The following SPATA24 variants were observed in gnomAD, a reference collection of about 807,000 sequenced individuals.
The protein encoded by SPATA24 is spermatogenesis-associated protein 24.
SPATA24 carries 21 observed loss-of-function variants against 28.9 expected under a neutral mutation model. That is an observed-to-expected ratio of 0.73 (90% CI 0.52 to 1.05). The LOEUF is 1.05. Ranked by LOEUF, SPATA24 falls within the 50% of genes least tolerant of loss-of-function variation. The pLI is 0.00. For synonymous variants in SPATA24, 76 were observed against 89.9 expected, an observed-to-expected ratio of 0.85 and a Z score of 0.88; for missense variants, 215 against 242.9, an observed-to-expected ratio of 0.88 and a Z score of 0.76.
chr5:139,393,875 C>T (rs1042444814), downstream of SPATA24: 2 of 1,551,090 alleles, frequency 1.3e-6, no homozygotes, highest in African/African-American at 2.7e-5. Flanking sequence ...CCCCGTACAG[C>T]CCCATTTGGA....
At chr5:139,398,355 A>T (rs1758753720) in intron 4 of SPATA24, among the ~76,000 whole-genome samples, 1 of 151,724 alleles carries the variant, frequency 6.6e-6, no homozygotes, top group African/African-American at 2.4e-5. Flanking sequence ...TGAGCCCAGG[A>T]GTAAGAGACC....
chr5:139,403,844 G>A, intron 1 of SPATA24, 100 bp downstream of exon 1: 1 of 1,026,590 alleles, frequency 9.7e-7, no homozygotes, highest in Non-Finnish European at 1.5e-6. Context: ...CATGGGCCAT[G>A]CGTTCTAGCC....
downstream of SPATA24, chr5:139,393,525 T>C (rs931233537): frequency 3.9e-6 from 6 of 1,551,292 alleles, no homozygotes; most frequent in African/African-American, 5.5e-5. Context: ...CCCATGTCTC[T>C]TGGGGAGATG....
At chr5:139,401,584 G>A in intron 4 of SPATA24, 171 bp downstream of exon 4, 1 of 730,632 alleles carries the variant, frequency 1.4e-6, no homozygotes, top group East Asian at 2.7e-5. Flanking sequence ...CATTTCCGTG[G>A]CCTGCCTGGT....
At chr5:139,398,630 A>G (rs367752848) in intron 4 of SPATA24, among the ~76,000 whole-genome samples, 3 of 152,140 alleles carry the variant, frequency 2.0e-5, no homozygotes, top group Non-Finnish European at 4.4e-5. Flanking sequence ...AAATCCAAGG[A>G]GGCTGTAGGG....
intron 4 of SPATA24, among the ~76,000 whole-genome samples, chr5:139,397,572 T>G (rs1246283953): frequency 1.3e-5 from 2 of 152,054 alleles, no homozygotes; most frequent in African/African-American, 4.8e-5. Context: ...TTTTTTGTAT[T>G]TGAGACTGAG....
At chr5:139,395,064 G>A (rs773236107), downstream of SPATA24, 70 of 1,411,356 alleles carry the variant, frequency 5.0e-5, 2 homozygotes, top group South Asian at 1.0e-3. Context: ...GGGCTGGCGG[G>A]GCGAGCGCGG....
downstream of SPATA24, chr5:139,394,745 C>T: frequency 6.5e-7 from 1 of 1,533,974 alleles, no homozygotes. Flanking sequence ...CCGAAGATGA[C>T]TTCCATCTCC....
downstream of SPATA24, chr5:139,392,535 G>T: frequency 7.4e-7 from 1 of 1,352,778 alleles, no homozygotes; most frequent in Non-Finnish European, 9.5e-7. The surrounding 1 kb of genome is among the most constrained non-coding windows in gnomAD (Gnocchi z 5.8). Context: ...CGCGGGGCTG[G>T]GCTGGGGCCG....
At chr5:139,399,128 T>C (rs10479208) in intron 4 of SPATA24, among the ~76,000 whole-genome samples, 70,244 of 145,680 alleles carry the variant, frequency 0.48, 20,481 homozygotes, top group African/African-American at 0.78. Flanking sequence ...CCATCCTGGC[T>C]AACACGGTGA....
At chr5:139,402,128 G>C (rs1172418532) in intron 2 of SPATA24, 83 bp from the exon 3 acceptor site, 1 of 1,474,694 alleles carries the variant, frequency 6.8e-7, no homozygotes, top group Non-Finnish European at 9.0e-7. Flanking sequence ...CCTTCTCAGA[G>C]GGACACACAG....
chr5:139,396,772 G>A lies in SPATA24; in HGVS notation c.*28C>T, dbSNP rs1581399180. 6.4e-7 allele frequency: 1 copy of A among 1,551,658 alleles called. No homozygotes were observed. ...GAGAAGGCAGAGGCTGGGGATTACAGCCAGAGAACAGGAAAGCGGCGGCCA... is the reference window on the plus strand; with the variant it reads ...GAGAAGGCAGAGGCTGGGGATTACAACCAGAGAACAGGAAAGCGGCGGCCA... On this transcript the variant is annotated 3_prime_UTR_variant, in exon 6 of 6. Transcript: ENST00000450845.
chr5:139,395,145 T>TCCCCG (rs1446316257), downstream of SPATA24: 12 of 1,348,792 alleles, frequency 8.9e-6, no homozygotes, highest in South Asian at 1.3e-4. Context: ...GCCGGCACTG[T>TCCCCG]CCCCGCCCCG....
downstream of SPATA24, chr5:139,394,539 G>T (rs1438690678): frequency 6.7e-7 from 1 of 1,486,240 alleles, no homozygotes; most frequent in Non-Finnish European, 8.9e-7. Flanking sequence ...GCGCTGGGGC[G>T]GCAGGACTTG....
At chr5:139,402,136 C>G (rs1480955227) in intron 2 of SPATA24, 91 bp from the exon 3 acceptor site, 1 of 1,452,800 alleles carries the variant, frequency 6.9e-7, no homozygotes, top group Non-Finnish European at 9.1e-7. Flanking sequence ...GAGGGACACA[C>G]AGAAGCCAGA....
chr5:139,396,476 T>C, downstream of SPATA24: 1 of 1,168,056 alleles, frequency 8.6e-7, no homozygotes, highest in Non-Finnish European at 1.1e-6. Context: ...TGGAACCCAC[T>C]GTCTTTGAAG....
At chr5:139,392,514 C>A (rs913507722), downstream of SPATA24, 10 of 1,343,090 alleles carry the variant, frequency 7.4e-6, no homozygotes, top group African/African-American at 9.3e-5. This position sits in a 1 kb window ranked among gnomAD's most constrained non-coding sequence, Gnocchi z 5.8. Context: ...CCGTGGGAGG[C>A]GCCGAGGCAG....
In SPATA24 at chr5:139,402,657, C is replaced by G; in HGVS notation, c.154G>C (p.Glu52Gln). ...AGCTTCTTCTCCACTGCCTGGAACTCTTCTTTACTGACAAAATTTTCGTCC... is the reference window on the plus strand; with the variant it reads ...AGCTTCTTCTCCACTGCCTGGAACTGTTCTTTACTGACAAAATTTTCGTCC... Reference protein sequence around the residue: ...LQDENFVSKEEFQAVEKKLVE... With the variant: ...LQDENFVSKEQFQAVEKKLVE... The change falls in exon 2 of 6, where the codon GAG (glutamate) becomes CAG (glutamine). Residue 52 changes from glutamate to glutamine, a missense_variant. By Grantham distance (29) the Glu-to-Gln change is conservative (BLOSUM62 2). Transcript: ENST00000450845. The G allele has an allele frequency of 1.9e-6, 3 of 1,551,868 alleles. No homozygotes were observed. Among genetic ancestry groups the G allele is most frequent in the African/African-American group, 2.7e-5 (2 of 73,136 alleles).
downstream of SPATA24, chr5:139,396,275 G>A: frequency 1.0e-6 from 1 of 985,422 alleles, no homozygotes; most frequent in Non-Finnish European, 1.2e-6. Flanking sequence ...CCCTGCCTGT[G>A]CAACTTGTGC....
Sources: gnomAD v4.1 joint callset for allele counts (sites outside exome capture counted in the v4.1 genomes callset) on GRCh38, gnomAD v4.1.1 for gene constraint, Gnocchi (gnomAD v3.1) non-coding constraint, MANE v1.5 for transcripts, NCBI Gene and HGNC (gene_info 2026-07-23, HGNC 2026-07-21) for gene names.